Variants in SIN3B observed in about 807,000 individuals in gnomAD.
SIN3B encodes the protein SIN3 transcription regulator family member B.
Under a neutral mutation model 120.2 loss-of-function variants are expected in SIN3B, and 19 were observed. The observed-to-expected ratio is 0.16, with a 90% CI of 0.11 to 0.23. SIN3B has a LOEUF of 0.23. Ranked by LOEUF, SIN3B falls within the 10% of genes least tolerant of loss-of-function variation. The pLI, the probability that SIN3B is intolerant of heterozygous loss-of-function variation, is 1.00. For missense variants in SIN3B, 1,073 were observed against 1,573.0 expected, an observed-to-expected ratio of 0.68 and a Z score of 5.38; for synonymous variants, 654 against 653.2, an observed-to-expected ratio of 1.00 and a Z score of -0.02.
chr19:16,873,100 G>T (rs192851284), intron 14 of SIN3B, among the ~76,000 whole-genome samples: 1 of 152,044 alleles, frequency 6.6e-6, no homozygotes, highest in African/African-American at 2.4e-5. Flanking sequence ...GCTCAGGGGC[G>T]TCTCTCCATC....
rs200016524 is a variant in SIN3B at position 16,847,145 on chromosome 19, G to C, written c.726+32G>C. On this transcript the variant is annotated intron_variant, in intron 5 of 18. Transcript: ENST00000248054. Reference sequence around the variant, plus strand: ...GCCGAGAGCCCCTGCCCAGCCTCGGGGGCCTCAGCGAGGACGGAGGGCCCC... The same window carrying C: ...GCCGAGAGCCCCTGCCCAGCCTCGGCGGCCTCAGCGAGGACGGAGGGCCCC... 172 of 1,594,420 alleles carry C rather than the reference G, an allele frequency of 1.1e-4. No homozygotes were observed. In the African/African-American group the frequency reaches 2.0e-3, roughly 18 times the overall value.
chr19:16,863,772 C>T lies in SIN3B; in HGVS notation c.1359C>T (p.His453=). The T allele has an allele frequency of 1.2e-6, 2 of 1,614,016 alleles. No homozygotes were observed. Among genetic ancestry groups the T allele is most frequent in the Admixed American group, 1.7e-5 (1 of 60,026 alleles). The change falls in exon 10 of 19, where the codon CAC becomes CAT. Residue 453 remains histidine, a synonymous_variant. Transcript: ENST00000248054. ...SKKTPYEEQL[H]RCEDERFELD... is the part of the protein sequence containing the mutation. The stretch of plus-strand genomic sequence containing the variant: ...AGACACCGTACGAGGAGCAGCTTCA[C>T]CGCTGTGAGGACGAGCGCTTCGAGG...
In SIN3B at chr19:16,831,442, T is replaced by G. The variant is rs2144569412; in HGVS notation, c.228-52T>G. On this transcript the variant is annotated intron_variant, in intron 2 of 18. Transcript: ENST00000248054. Reference sequence around the variant, plus strand: ...TCAAGGGAGTGGGGAATAGATTATATTTTTCATTTATTTCCCAAGACCCTT... The same window carrying G: ...TCAAGGGAGTGGGGAATAGATTATAGTTTTCATTTATTTCCCAAGACCCTT... 1.9e-6 allele frequency: 3 copies of G among 1,567,574 alleles called. No homozygotes were observed. In the East Asian group the frequency reaches 6.8e-5, roughly 35 times the overall value.
chr19:16,838,274 T>C (rs1330691701), intron 3 of SIN3B, among the ~76,000 whole-genome samples: 1 of 152,228 alleles, frequency 6.6e-6, no homozygotes, highest in Non-Finnish European at 1.5e-5. Context: ...CACAATACTG[T>C]ACAACCATCA....
intron 10 of SIN3B, 104 bp from the exon 11 acceptor site, chr19:16,865,306 A>C (rs55976622): frequency 0.12 from 47,727 of 385,012 alleles, 2,562 homozygotes; most frequent in African/African-American, 0.2. Flanking sequence ...AAATACACAC[A>C]CCCCCCCCCC....
Position 16,866,427 on chromosome 19 carries a change from C to T in SIN3B, c.1677C>T (p.Ile559=). The stretch of plus-strand genomic sequence containing the variant: ...AGGCCCAGCAGGGCTTCAACAAGAT[C>T]TGGCGGGAGCAGTATGAGAAGGCGT... The part of the protein sequence containing the change: ...WREAQQGFNK[I]WREQYEKAYL... Residue 559 remains isoleucine (I), a synonymous_variant, in exon 12 of 19, where the codon ATC becomes ATT. Transcript: ENST00000248054. 6.2e-7 allele frequency: 1 copy of T among 1,613,466 alleles called. No individual in the cohort carries two copies. Among genetic ancestry groups the T allele is most frequent in the Non-Finnish European group, 8.5e-7 (1 of 1,179,944 alleles).
chr19:16,830,036 C>T, intron 2 of SIN3B, 139 bp downstream of exon 2: 1 of 613,834 alleles, frequency 1.6e-6, no homozygotes, highest in Non-Finnish European at 3.0e-6. Context: ...AGAGCCCTAG[C>T]TCCTTCTCGT....
At chr19:16,853,001 G>C in intron 6 of SIN3B, 68 bp from the exon 7 acceptor site, 1 of 1,285,664 alleles carries the variant, frequency 7.8e-7, no homozygotes, top group East Asian at 2.3e-5. Context: ...TTGAGACTCT[G>C]TGACAGCGAT....
intron 3 of SIN3B, among the ~76,000 whole-genome samples, chr19:16,835,788 A>T (rs1025726907): frequency 2.0e-5 from 3 of 151,992 alleles, no homozygotes; most frequent in Non-Finnish European, 4.4e-5. Flanking sequence ...CAAAGTGTTG[A>T]GATTACAGGC....
At chr19:16,856,945 G>A (rs1484873094) in intron 8 of SIN3B, among the ~76,000 whole-genome samples, 2 of 152,108 alleles carry the variant, frequency 1.3e-5, no homozygotes, top group Non-Finnish European at 2.9e-5. Context: ...TCAGTCCTTA[G>A]CCCTTTTCCC....
rs1022552575 is a variant in SIN3B at position 16,876,693 on chromosome 19, C to T, written c.2859+115C>T. ...GCAGCATCCAGAGACCCTCCCTCTG[C>T]AGGCCACAGGCTCTCCTTGAGGCCT... On this transcript the variant is annotated intron_variant, in intron 16 of 18. Coordinates refer to ENST00000248054, the MANE Select transcript of SIN3B (RefSeq NM_001297595.2). This position sits in a 1 kb window ranked among gnomAD's most constrained non-coding sequence, Gnocchi z 7.1. The T allele has an allele frequency of 6.7e-6, 5 of 750,624 alleles. No individual in the cohort carries two copies. The highest frequency in any genetic ancestry group is 1.1e-5 in the Non-Finnish European group (5 of 457,586). The allele number at this position is 750,624 out of a possible 1,614,324, so 46.5% of individuals were successfully genotyped here. A position where few individuals can be genotyped will look rare whatever the true frequency, so the allele number is the denominator to read the frequency against.
At chr19:16,832,305 C>T (rs1419700587) in intron 3 of SIN3B, among the ~76,000 whole-genome samples, 1 of 148,838 alleles carries the variant, frequency 6.7e-6, no homozygotes, top group Non-Finnish European at 1.5e-5. Flanking sequence ...TCAAGCAATT[C>T]TCCTGCCTCA....
At chr19:16,830,106 A>G (rs779294530) in intron 2 of SIN3B, among the ~76,000 whole-genome samples, 1 of 152,216 alleles carries the variant, frequency 6.6e-6, no homozygotes, top group South Asian at 2.1e-4. Context: ...TCCTGGAAGC[A>G]GGACAGGGAT....
At chr19:16,868,794 TG>T (rs1971814222) in intron 12 of SIN3B, among the ~76,000 whole-genome samples, 1 of 150,762 alleles carries the variant, frequency 6.6e-6, no homozygotes, top group Admixed American at 6.6e-5. Context: ...TGGAGCAGGC[TG>T]GTGGGAGCTG....
intron 5 of SIN3B, among the ~76,000 whole-genome samples, chr19:16,849,847 A>G (rs942073738): frequency 3.3e-5 from 5 of 151,964 alleles, no homozygotes; most frequent in African/African-American, 7.2e-5. Flanking sequence ...TCCCAGCTAC[A>G]TAGAAGGCTG....
rs760203940 is a variant in SIN3B at position 16,851,504 on chromosome 19, G to T, written c.819G>T (p.Ser273=). The T allele has an allele frequency of 5.0e-6, 8 of 1,608,042 alleles. No individual in the cohort carries two copies. The highest frequency in any genetic ancestry group is 1.3e-5 in the African/African-American group (1 of 74,798). The part of the protein sequence containing the change: ...PEHSRKRSRP[S]LLRPVSAPAK... The stretch of plus-strand genomic sequence containing the variant: ...ACAGCAGGAAGCGCTCCCGGCCCTC[G>T]CTCCTCCGCCCCGTGTCTGCACCCG... The change falls in exon 6 of 19, where the codon TCG becomes TCT. Residue 273 remains serine (S), a synonymous_variant. Transcript: ENST00000248054.
Position 16,854,264 on chromosome 19 carries a change from G to T in SIN3B, c.1058+3G>T. 6.2e-7 allele frequency: 1 copy of T among 1,604,414 alleles called. No homozygotes were observed. ...CAGCTCGTCAGCCCATTTCTGGGGT[G>T]AGCAGCTGACTTCCCAGGGCTCCCT... is the stretch of plus-strand genomic sequence containing the variant. On this transcript the variant is annotated splice_donor_region_variant and intron_variant, in intron 8 of 18. Transcript: ENST00000248054.
At chr19:16,859,421 C>T (rs1029266644) in intron 8 of SIN3B, among the ~76,000 whole-genome samples, 1 of 152,154 alleles carries the variant, frequency 6.6e-6, no homozygotes, top group African/African-American at 2.4e-5. Context: ...TTTTCCTTCC[C>T]TTACCAGGGT....
intron 2 of SIN3B, among the ~76,000 whole-genome samples, chr19:16,830,797 A>G (rs780656897): frequency 4.6e-5 from 7 of 152,098 alleles, no homozygotes; most frequent in Non-Finnish European, 8.8e-5. Flanking sequence ...TCAGATGGAA[A>G]CCTGTGTCAT....
Sources: allele counts gnomAD v4.1 joint callset (sites outside exome capture counted in the v4.1 genomes callset), GRCh38; gene constraint gnomAD v4.1.1; non-coding constraint Gnocchi (gnomAD v3.1); transcripts MANE v1.5; gene names NCBI Gene and HGNC (gene_info 2026-07-23, HGNC 2026-07-21).